ARHGAP31: variants seen among roughly 807,000 people sequenced by gnomAD.
The protein encoded by ARHGAP31 is rho GTPase-activating protein 31.
In ARHGAP31, 34 loss-of-function variants were observed where a neutral mutation model predicts 113.9. That is an observed-to-expected ratio of 0.30 (90% CI 0.23 to 0.40). The LOEUF (loss-of-function observed/expected upper bound fraction) is 0.40, where lower values mean the gene tolerates loss of function less well. ARHGAP31 is among the 10% of genes least tolerant of loss of function. The pLI, the probability that ARHGAP31 is intolerant of heterozygous loss-of-function variation, is 1.00. For missense variants in ARHGAP31, 1,548 were observed against 1,767.1 expected, an observed-to-expected ratio of 0.88 and a Z score of 2.22; for synonymous variants, 650 against 684.8, an observed-to-expected ratio of 0.95 and a Z score of 0.79.
chr3:119,373,499 T>C (rs1457642645), intron 3 of ARHGAP31, among the ~76,000 whole-genome samples: 1 of 151,998 alleles, frequency 6.6e-6, no homozygotes, highest in African/African-American at 2.4e-5. Context: ...AGTCTTGCTC[T>C]GTCGCCCAGG....
chr3:119,308,988 T>A (rs2079654883), intron 1 of ARHGAP31, among the ~76,000 whole-genome samples: 2 of 152,030 alleles, frequency 1.3e-5, no homozygotes, highest in African/African-American at 2.4e-5. Flanking sequence ...ACTACAGGCA[T>A]GCACCCCCAC....
At chr3:119,323,793 C>T (rs1559966803) in intron 1 of ARHGAP31, among the ~76,000 whole-genome samples, 1 of 152,198 alleles carries the variant, frequency 6.6e-6, no homozygotes, top group Non-Finnish European at 1.5e-5. Context: ...GAAAATGTTT[C>T]TATAACTTTT....
chr3:119,393,374 C>G (rs1054292941), intron 7 of ARHGAP31, 93 bp from the exon 8 acceptor site: 106 of 1,490,244 alleles, frequency 7.1e-5, no homozygotes, highest in Admixed American at 2.9e-4. Flanking sequence ...CCATTCATAA[C>G]TGAGGACATA....
intron 1 of ARHGAP31, among the ~76,000 whole-genome samples, chr3:119,358,302 ATACC>A (rs2080176499): frequency 6.6e-6 from 1 of 152,244 alleles, no homozygotes; most frequent in African/African-American, 2.4e-5. Context: ...AACTGCAATG[ATACC>A]ACTTCACAAC....
chr3:119,336,883 T>C (rs753019059), intron 1 of ARHGAP31, among the ~76,000 whole-genome samples: 2 of 152,236 alleles, frequency 1.3e-5, no homozygotes, highest in Non-Finnish European at 2.9e-5. Context: ...GATTTGTCTA[T>C]GCTGGACACT....
rs1312575833 is a variant in ARHGAP31 at position 119,409,528 on chromosome 3, G to A, written c.1678G>A (p.Ala560Thr). Residue 560 changes from alanine to threonine, a missense_variant, in exon 11 of 12, where the codon GCC becomes ACC. Transcript: ENST00000264245. ...SVPKKAGLED[A>T]KAVPEAPGTV... ...ACCTAAGAAGGCAGGTCTTGAGGATGCCAAGGCAGTACCTGAAGCACCGGG... is the reference window on the plus strand; with the variant it reads ...ACCTAAGAAGGCAGGTCTTGAGGATACCAAGGCAGTACCTGAAGCACCGGG... The A allele has an allele frequency of 6.2e-7, 1 of 1,614,210 alleles. No individual in the cohort carries two copies. Among genetic ancestry groups the A allele is most frequent in the Non-Finnish European group, 8.5e-7 (1 of 1,180,040 alleles).
chr3:119,303,355 C>T (rs2079601750), intron 1 of ARHGAP31, among the ~76,000 whole-genome samples: 1 of 152,310 alleles, frequency 6.6e-6, no homozygotes, highest in Middle Eastern at 3.4e-3. Flanking sequence ...GAAACTGACC[C>T]AGGCTTTGCA....
chr3:119,354,711 A>T (rs2080141245), intron 1 of ARHGAP31, among the ~76,000 whole-genome samples: 1 of 141,362 alleles, frequency 7.1e-6, no homozygotes, highest in African/African-American at 2.7e-5. Context: ...ATTTTTTAGC[A>T]GAGATGGAGT....
chr3:119,330,005 C>G (rs979780642), intron 1 of ARHGAP31: 17 of 985,272 alleles, frequency 1.7e-5, no homozygotes, highest in Non-Finnish European at 2.0e-5. Flanking sequence ...CCACTATCAT[C>G]GGTGACTCCA....
chr3:119,395,384 G>C (rs1001674), intron 8 of ARHGAP31, among the ~76,000 whole-genome samples: 22,862 of 152,220 alleles, frequency 0.15, 2,091 homozygotes, highest in Admixed American at 0.21. Context: ...TAGAGGGAAG[G>C]CTTCAGGGGG....
At chr3:119,391,785 A>C (rs1450340998) in intron 7 of ARHGAP31, among the ~76,000 whole-genome samples, 2 of 152,154 alleles carry the variant, frequency 1.3e-5, no homozygotes, top group African/African-American at 4.8e-5. Context: ...GCCACCTTGC[A>C]CAACTAGGAG....
chr3:119,314,312 G>GT (rs1326330050), intron 1 of ARHGAP31: 1 of 152,214 alleles, frequency 6.6e-6, no homozygotes. Context: ...CAGAGAAAAA[G>GT]TTAGGTGCCC....
At chr3:119,385,437 C>T (rs571476681) in intron 6 of ARHGAP31, among the ~76,000 whole-genome samples, 10 of 152,160 alleles carry the variant, frequency 6.6e-5, no homozygotes, top group South Asian at 6.2e-4. Flanking sequence ...TTTGAATATA[C>T]GTTTTCAATT....
chr3:119,408,492 A>C (rs1215243983), intron 10 of ARHGAP31, among the ~76,000 whole-genome samples: 3 of 152,202 alleles, frequency 2.0e-5, no homozygotes, highest in Non-Finnish European at 4.4e-5. Flanking sequence ...CTTAACCAAC[A>C]AACTTTTCTG....
rs1215577878 is a variant in ARHGAP31 at position 119,329,218 on chromosome 3, A to G, written c.100+34214A>G. On this transcript the variant is annotated intron_variant, in intron 1 of 11. Coordinates refer to ENST00000264245, the MANE Select transcript of ARHGAP31 (RefSeq NM_020754.4). The stretch of plus-strand genomic sequence containing the variant: ...GGTGCCTGCCACTTTGCTGCCTTCT[A>G]GATCATGGTGGCCAATGGCCACCAA... Among the ~76,000 whole-genome samples, 3 of 152,252 alleles carry G rather than the reference A, an allele frequency of 2.0e-5. No homozygotes were observed. In the South Asian group the frequency reaches 6.2e-4, roughly 32 times the overall value.
intron 1 of ARHGAP31, among the ~76,000 whole-genome samples, chr3:119,305,665 G>C (rs1049078812): frequency 6.6e-6 from 1 of 152,114 alleles, no homozygotes; most frequent in South Asian, 2.1e-4. Context: ...TGCTTTTTGG[G>C]GCCTATATTT....
chr3:119,297,271 T>G (rs9830074), intron 1 of ARHGAP31, among the ~76,000 whole-genome samples: 3,581 of 152,332 alleles, frequency 0.024, 137 homozygotes, highest in African/African-American at 0.082. Context: ...TAATGTTGCT[T>G]CTTTGTGGAC....
intron 6 of ARHGAP31, among the ~76,000 whole-genome samples, chr3:119,386,816 C>T (rs7349554): frequency 0.16 from 24,081 of 152,212 alleles, 2,018 homozygotes; most frequent in East Asian, 0.31. Flanking sequence ...GGGGGCCCTT[C>T]CCTGCCTGGC....
chr3:119,409,235 G>A (rs940988971), intron 10 of ARHGAP31, among the ~76,000 whole-genome samples: 6 of 152,312 alleles, frequency 3.9e-5, no homozygotes, highest in Admixed American at 1.3e-4. Flanking sequence ...AGAAGAAAAC[G>A]GTAGGAGCAA....
Sources: gnomAD v4.1 joint callset for allele counts (sites outside exome capture counted in the v4.1 genomes callset) on GRCh38, gnomAD v4.1.1 for gene constraint, MANE v1.5 for transcripts, NCBI Gene and HGNC (gene_info 2026-07-23, HGNC 2026-07-21) for gene names.